The following SGCZ variants were observed in gnomAD, a reference collection of about 807,000 sequenced individuals.
The protein encoded by SGCZ is sarcoglycan zeta.
In SGCZ, 40 loss-of-function variants were observed where a neutral mutation model predicts 41.3. The ratio of observed to expected loss-of-function variants is 0.97; its 90% confidence interval spans 0.75 to 1.26. The LOEUF (loss-of-function observed/expected upper bound fraction) is 1.26. SGCZ is among the 50% of genes most tolerant of loss of function. The pLI is 0.00. For synonymous variants in SGCZ, 206 were observed against 137.5 expected, an observed-to-expected ratio of 1.50 and a Z score of -3.49; for missense variants, 552 against 369.8, an observed-to-expected ratio of 1.49 and a Z score of -4.04.
intron 2 of SGCZ, among the ~76,000 whole-genome samples, chr8:14,487,385 AATG>A (rs1801704363): frequency 6.6e-6 from 1 of 152,208 alleles, no homozygotes; most frequent in Non-Finnish European, 1.5e-5. Context: ...TTATGAGACA[AATG>A]ATGTATGGCA....
chr8:14,476,095 G>C (rs763763711), intron 2 of SGCZ, among the ~76,000 whole-genome samples: 4 of 152,078 alleles, frequency 2.6e-5, no homozygotes, highest in South Asian at 2.1e-4. Flanking sequence ...GTGCTGGCCT[G>C]ATGGTTATTC....
chr8:14,976,382 G>T (rs1347078647), intron 1 of SGCZ, among the ~76,000 whole-genome samples: 1 of 152,076 alleles, frequency 6.6e-6, no homozygotes, highest in African/African-American at 2.4e-5. Flanking sequence ...TTTAGAAACT[G>T]ATAAATCTAA....
intron 2 of SGCZ, among the ~76,000 whole-genome samples, chr8:14,370,459 T>A (rs917179731): frequency 1.3e-5 from 2 of 151,978 alleles, no homozygotes; most frequent in Non-Finnish European, 2.9e-5. Flanking sequence ...ACAAATTGGT[T>A]ATATGAAATT....
intron 3 of SGCZ, among the ~76,000 whole-genome samples, chr8:14,323,077 G>A (rs1313940004): frequency 6.6e-6 from 1 of 152,002 alleles, no homozygotes; most frequent in Admixed American, 6.6e-5. Flanking sequence ...TAGTACCAGA[G>A]TAGAGTCAAT....
intron 4 of SGCZ, among the ~76,000 whole-genome samples, chr8:14,226,113 T>C (rs4480121): frequency 0.63 from 96,010 of 151,758 alleles, 30,718 homozygotes; most frequent in South Asian, 0.77. Context: ...GCATACAGGA[T>C]AAATTCCCCA....
intron 1 of SGCZ, among the ~76,000 whole-genome samples, chr8:15,020,308 C>A (rs1267456233): frequency 6.6e-6 from 1 of 152,164 alleles, no homozygotes; most frequent in African/African-American, 2.4e-5. Flanking sequence ...TTATCTCTGA[C>A]TCATCCAAGG....
intron 1 of SGCZ, among the ~76,000 whole-genome samples, chr8:15,009,453 G>A (rs1252540457): frequency 2.0e-5 from 3 of 152,066 alleles, no homozygotes; most frequent in African/African-American, 7.2e-5. Context: ...AATCCAAACC[G>A]TATCACATAG....
chr8:14,846,176 C>A (rs1351653204), intron 1 of SGCZ, among the ~76,000 whole-genome samples: 1 of 152,054 alleles, frequency 6.6e-6, no homozygotes, highest in Non-Finnish European at 1.5e-5. Context: ...ATACTATCAA[C>A]CAACTTGCCT....
In SGCZ at chr8:14,846,898, C is replaced by A. The variant is rs531506698; in HGVS notation, c.40-291972G>T. ...CAGCCTGGGCAACTCGGTGAAACGACATCTCTACTAAAATACAAAAGAAAT... is the reference window on the plus strand; with the variant it reads ...CAGCCTGGGCAACTCGGTGAAACGAAATCTCTACTAAAATACAAAAGAAAT... On this transcript the variant is annotated intron_variant, in intron 1 of 7. Coordinates refer to ENST00000382080, the MANE Select transcript of SGCZ (RefSeq NM_139167.4). Among the ~76,000 whole-genome samples, 3 of 151,828 alleles carry A rather than the reference C, an allele frequency of 2.0e-5. No individual in the cohort carries two copies. In the East Asian group the frequency reaches 5.8e-4, roughly 30 times the overall value.
At chr8:14,771,729 G>C (rs1354939785) in intron 1 of SGCZ, among the ~76,000 whole-genome samples, 1 of 152,012 alleles carries the variant, frequency 6.6e-6, no homozygotes, top group Admixed American at 6.6e-5. Context: ...ATAAGATCAA[G>C]AAAATTATGT....
chr8:14,727,695 G>A (rs990873586), intron 1 of SGCZ, among the ~76,000 whole-genome samples: 3 of 151,898 alleles, frequency 2.0e-5, no homozygotes, highest in Admixed American at 2.0e-4. Flanking sequence ...TGTATTTTTA[G>A]TGGAGACGGG....
At chr8:14,487,988 G>A (rs1238617942) in intron 2 of SGCZ, 1 of 74,540 alleles carries the variant, frequency 1.3e-5, no homozygotes, top group Non-Finnish European at 2.8e-5. Context: ...AAACCTCAGT[G>A]GTTAATCAGG....
chr8:14,380,564 G>T (rs146535042), intron 2 of SGCZ, among the ~76,000 whole-genome samples: 280 of 152,214 alleles, frequency 1.8e-3, no homozygotes, highest in South Asian at 7.7e-3. Context: ...AAAGAATTGT[G>T]CAATGTAGGC....
chr8:14,096,205 T>G (rs186441737), intron 7 of SGCZ, among the ~76,000 whole-genome samples: 2 of 152,096 alleles, frequency 1.3e-5, no homozygotes, highest in African/African-American at 4.8e-5. Flanking sequence ...ATGCTTCCAG[T>G]TTTTGCCCAT....
chr8:14,707,108 A>T (rs1443595038), intron 1 of SGCZ, among the ~76,000 whole-genome samples: 1 of 151,484 alleles, frequency 6.6e-6, no homozygotes, highest in Non-Finnish European at 1.5e-5. Context: ...ATATATATAC[A>T]TGTGCCATGT....
At chr8:15,178,123 T>C (rs1243211214) in intron 1 of SGCZ, among the ~76,000 whole-genome samples, 2 of 152,104 alleles carry the variant, frequency 1.3e-5, no homozygotes, top group Non-Finnish European at 2.9e-5. Flanking sequence ...GAGGAATCAC[T>C]CTTCCTGCCT....
chr8:14,922,214 C>T (rs1005170983), intron 1 of SGCZ, among the ~76,000 whole-genome samples: 3 of 151,748 alleles, frequency 2.0e-5, no homozygotes, highest in Non-Finnish European at 4.4e-5. Flanking sequence ...AAAATGACTG[C>T]GTACGACTGT....
At chr8:15,221,865 C>A (rs1265004665) in intron 1 of SGCZ, among the ~76,000 whole-genome samples, 1 of 152,148 alleles carries the variant, frequency 6.6e-6, no homozygotes, top group African/African-American at 2.4e-5. Flanking sequence ...TTGCTCAGTA[C>A]TTCAAAAAAT....
chr8:14,128,214 A>T (rs1672122313), intron 5 of SGCZ, among the ~76,000 whole-genome samples: 1 of 152,226 alleles, frequency 6.6e-6, no homozygotes, highest in Admixed American at 6.5e-5. Context: ...AAATGACATA[A>T]ACAGGCATTT....
Sources: allele counts gnomAD v4.1 joint callset (sites outside exome capture counted in the v4.1 genomes callset), GRCh38; gene constraint gnomAD v4.1.1; transcripts MANE v1.5; gene names NCBI Gene and HGNC (gene_info 2026-07-23, HGNC 2026-07-21).